Variants in UBE4A observed in about 807,000 individuals in gnomAD.
The protein encoded by UBE4A is ubiquitination factor E4A, also known as ubiquitin conjugation factor E4 A.
Under a neutral mutation model 117.9 loss-of-function variants are expected in UBE4A, and 48 were observed. The observed-to-expected ratio is 0.41, with a 90% CI of 0.32 to 0.52. The LOEUF is 0.52. Among genes scored for constraint, UBE4A ranks in the 20% least tolerant of loss-of-function variants. The pLI is 0.33. For missense variants in UBE4A, 1,067 were observed against 1,296.3 expected (o/e 0.82, Z 2.72); for synonymous variants, 407 against 450.0 (o/e 0.90, Z 1.21).
At chr11:118,368,097 A>G (rs1948579182) in intron 2 of UBE4A, among the ~76,000 whole-genome samples, 1 of 152,214 alleles carries the variant, frequency 6.6e-6, no homozygotes, top group Non-Finnish European at 1.5e-5. Context: ...GGCAAGCTGA[A>G]AAGAGCTATG....
In UBE4A at chr11:118,392,845, A is replaced by G. The variant is rs1310664774; in HGVS notation, c.3024A>G (p.Pro1008=). The G allele has an allele frequency of 1.9e-6, 3 of 1,614,034 alleles. No individual in the cohort carries two copies. Among genetic ancestry groups the G allele is most frequent in the Non-Finnish European group, 1.7e-6 (2 of 1,180,038 alleles). Residue 1008 remains proline, a synonymous_variant, in exon 19 of 20, where the codon CCA becomes CCG. Transcript: ENST00000252108. ...STLMCDPVVL[P]SSRVTVDRST... is the part of the protein sequence containing the mutation. The stretch of plus-strand genomic sequence containing the variant: ...TGATGTGTGACCCTGTGGTGCTGCC[A>G]TCTTCCAGAGTCACTGTGGATAGAT...
In UBE4A at chr11:118,396,552, T is replaced by C. The variant is rs1292579312; in HGVS notation, c.*112T>C. 2.8e-5 allele frequency: 35 copies of C among 1,262,328 alleles called. No individual in the cohort carries two copies. Among genetic ancestry groups the C allele is most frequent in the African/African-American group, 4.8e-5 (3 of 62,310 alleles). 78.2% of individuals were successfully genotyped at this position (1,262,328 alleles called of 1,614,324 possible). A position where few individuals can be genotyped will look rare whatever the true frequency, so the allele number is the denominator to read the frequency against. On this transcript the variant is annotated 3_prime_UTR_variant, in exon 20 of 20. Coordinates refer to ENST00000252108, the MANE Select transcript of UBE4A (RefSeq NM_001204077.2). ...TTCTTTCTTCTTTTCTTTTTCTTTT[T>C]TTTTTTTTTTTTTACTAAATTAGAG...
intron 2 of UBE4A, among the ~76,000 whole-genome samples, chr11:118,366,087 A>C (rs1246938593): frequency 6.6e-6 from 1 of 151,312 alleles, no homozygotes; most frequent in Non-Finnish European, 1.5e-5. Flanking sequence ...ACTCAGGTGC[A>C]TAGCTGACTT....
chr11:118,360,137 A>G (rs1948509196), intron 1 of UBE4A, among the ~76,000 whole-genome samples: 1 of 152,224 alleles, frequency 6.6e-6, no homozygotes, highest in South Asian at 2.1e-4. Flanking sequence ...GGTGTTGATA[A>G]TTCTTAAGGC....
chr11:118,397,602 G>A lies in UBE4A; in HGVS notation c.*1162G>A, dbSNP rs1299402903. 9 of 151,906 alleles carry A rather than the reference G, an allele frequency of 5.9e-5. No individual in the cohort carries two copies. The highest frequency in any genetic ancestry group is 2.2e-4 in the African/African-American group (9 of 41,312). 9.4% of individuals were successfully genotyped at this position (151,906 alleles called of 1,614,324 possible). On this transcript the variant is annotated 3_prime_UTR_variant, in exon 20 of 20. Coordinates refer to ENST00000252108, the MANE Select transcript of UBE4A (RefSeq NM_001204077.2). ...GTAGGTGGACACCACTTTCATAAGT[G>A]AACTTGAGCTCACTACTCAATTGTG...
At chr11:118,383,766 T>G (rs1948729015) in intron 13 of UBE4A, among the ~76,000 whole-genome samples, 1 of 152,130 alleles carries the variant, frequency 6.6e-6, no homozygotes, top group African/African-American at 2.4e-5. Flanking sequence ...ACAACTAACA[T>G]TTAAAGAGGC....
rs880003651 is a variant in UBE4A, at chr11:118,396,537, TTTTC to T, written c.*101_*104del. On this transcript the variant is annotated 3_prime_UTR_variant, in exon 20 of 20. Transcript: ENST00000252108. ...CTGGTTCTGTTCCTTTTCTTTCTTC[TTTTC>T]TTTTTCTTTTTTTTTTTTTTTTTTA... is the stretch of plus-strand genomic sequence containing the variant. 527 of 1,373,246 alleles carry T rather than the reference TTTTC, an allele frequency of 3.8e-4. 3 individuals are homozygous for T. In the South Asian group the frequency reaches 7.2e-3, roughly 19 times the overall value. 85.1% of individuals were successfully genotyped at this position (1,373,246 alleles called of 1,614,324 possible). A position where few individuals can be genotyped will look rare whatever the true frequency, so the allele number is the denominator to read the frequency against.
intron 17 of UBE4A, 149 bp downstream of exon 17, chr11:118,390,054 A>G (rs782362387): frequency 6.7e-5 from 65 of 968,600 alleles, no homozygotes; most frequent in Non-Finnish European, 8.4e-5. Context: ...TGTAGTTTTA[A>G]ATAAGGAGAT....
At chr11:118,362,812 G>C (rs1009568917) in intron 1 of UBE4A, among the ~76,000 whole-genome samples, 5 of 152,220 alleles carry the variant, frequency 3.3e-5, no homozygotes, top group African/African-American at 1.2e-4. Context: ...GGCCTCCATA[G>C]TGTCTTGTGC....
chr11:118,389,460 AAAATGTT>A (rs1555127838), intron 16 of UBE4A, among the ~76,000 whole-genome samples: 1 of 152,250 alleles, frequency 6.6e-6, no homozygotes, highest in African/African-American at 2.4e-5. Flanking sequence ...CTAGAAGGAC[AAAATGTT>A]AAATTAGCAA....
At chr11:118,370,276 C>G (rs949461573) in intron 4 of UBE4A, among the ~76,000 whole-genome samples, 4 of 152,092 alleles carry the variant, frequency 2.6e-5, no homozygotes, top group African/African-American at 9.7e-5. Context: ...GGGCAAGGCC[C>G]ATCGCTTTTT....
chr11:118,396,106 A>G (rs553412225), intron 19 of UBE4A, among the ~76,000 whole-genome samples: 83 of 152,082 alleles, frequency 5.5e-4, no homozygotes, highest in Middle Eastern at 3.4e-3. Context: ...AAAAAAAAAA[A>G]AAAGAAAGAA....
chr11:118,380,426 T>TA (rs1421942215), intron 11 of UBE4A, among the ~76,000 whole-genome samples: 12 of 151,504 alleles, frequency 7.9e-5, no homozygotes, highest in African/African-American at 2.9e-4. Context: ...CTACAAAAAA[T>TA]AAAAAATTAG....
At chr11:118,390,886 C>A in intron 18 of UBE4A, 82 bp downstream of exon 18, 12 of 1,547,700 alleles carry the variant, frequency 7.8e-6, no homozygotes, top group Middle Eastern at 1.7e-4. Context: ...CCTGTAGTCC[C>A]AGCTACTTAA....
At chr11:118,371,410 CTG>C in intron 4 of UBE4A, 102 bp from the exon 5 acceptor site, 2 of 1,374,636 alleles carry the variant, frequency 1.5e-6, no homozygotes, top group Admixed American at 4.7e-5. Context: ...ACATTCAAAT[CTG>C]TGATTCTTGC....
At chr11:118,371,745 C>G (rs1565531055) in intron 5 of UBE4A, 79 bp downstream of exon 5, 1 of 1,440,308 alleles carries the variant, frequency 6.9e-7, no homozygotes, top group Non-Finnish European at 9.3e-7. Context: ...TTGGATCAGT[C>G]TTTATTTCAA....
In UBE4A at chr11:118,395,405, G is replaced by A. The variant is rs138312643; in HGVS notation, c.3075-909G>A. Among the ~76,000 whole-genome samples, 427 of 152,132 alleles carry A rather than the reference G, an allele frequency of 2.8e-3. 2 individuals are homozygous for A. Among genetic ancestry groups the A allele is most frequent in the African/African-American group, 9.8e-3 (406 of 41,524 alleles). On this transcript the variant is annotated intron_variant, in intron 19 of 19. Coordinates refer to ENST00000252108, the MANE Select transcript of UBE4A (RefSeq NM_001204077.2). ...CATTCACTATATCGCTCGAAATGTG[G>A]CCCAACAAAAATTCATAACGTTTCT... is the stretch of plus-strand genomic sequence containing the variant.
At chr11:118,363,606 C>CTTTTTTTTTTTTTT (rs199847839) in intron 1 of UBE4A, among the ~76,000 whole-genome samples, 1 of 122,848 alleles carries the variant, frequency 8.1e-6, no homozygotes. Flanking sequence ...ACCACATTAG[C>CTTTTTTTTTTTTTT]TTTTTTTTTT....
Position 118,392,725 on chromosome 11 carries a change from G to T in UBE4A, c.2917-13G>T, listed in dbSNP as rs1948831150. ...TGTGAATTCACTTTAACTACCAGAT[G>T]TTGTATACTCAGTCTCTTGCAGACC... On this transcript the variant is annotated splice_polypyrimidine_tract_variant and intron_variant, in intron 18 of 19. Coordinates refer to ENST00000252108, the MANE Select transcript of UBE4A (RefSeq NM_001204077.2). 2 of 1,612,422 alleles carry T rather than the reference G, an allele frequency of 1.2e-6. No homozygotes were observed. Among genetic ancestry groups the T allele is most frequent in the Non-Finnish European group, 1.7e-6 (2 of 1,179,192 alleles).
Sources: allele counts gnomAD v4.1 joint callset (sites outside exome capture counted in the v4.1 genomes callset), GRCh38; gene constraint gnomAD v4.1.1; transcripts MANE v1.5; gene names NCBI Gene and HGNC (gene_info 2026-07-23, HGNC 2026-07-21).